The following PRKCB variants were observed in gnomAD, a reference collection of about 807,000 sequenced individuals.
PRKCB encodes protein kinase C beta type.
In PRKCB, 13 loss-of-function variants were observed where a neutral mutation model predicts 81.5. The ratio of observed to expected loss-of-function variants is 0.16; its 90% CI spans 0.10 to 0.25. PRKCB has a LOEUF of 0.25. Among genes scored for constraint, PRKCB ranks in the 10% least tolerant of loss-of-function variants. The pLI is 1.00. For synonymous variants in PRKCB, 335 were observed against 321.4 expected (o/e 1.04, Z -0.45); for missense variants, 509 against 875.7 (o/e 0.58, Z 5.29).
chr16:24,219,594 A>G lies in PRKCB; in HGVS notation c.*4778A>G, dbSNP rs1968288242. 1 of 1,016,542 alleles carries G rather than the reference A, an allele frequency of 9.8e-7. No homozygotes were observed. The highest frequency in any genetic ancestry group is 1.7e-5 in the African/African-American group (1 of 58,212). The allele number at this position is 1,016,542 out of a possible 1,614,324, so 63.0% of individuals were successfully genotyped here. A position where few individuals can be genotyped will look rare whatever the true frequency, so the allele number is the denominator to read the frequency against. On this transcript the variant is annotated 3_prime_UTR_variant, in exon 17 of 17. Coordinates refer to ENST00000643927, the MANE Select transcript of PRKCB (RefSeq NM_002738.7). ...TCTACCTAATGATTATTTCTATAAC[A>G]TTAAGCATGGTAATAAGTAGCTTCC... is the stretch of plus-strand genomic sequence containing the variant.
chr16:24,189,952 C>G (rs1967765102), intron 15 of PRKCB, among the ~76,000 whole-genome samples: 1 of 152,136 alleles, frequency 6.6e-6, no homozygotes, highest in Non-Finnish European at 1.5e-5. Context: ...TAATCACCAA[C>G]TCTTCTGTCT....
chr16:23,886,045 C>CA (rs1429270741), intron 2 of PRKCB, among the ~76,000 whole-genome samples: 4 of 152,176 alleles, frequency 2.6e-5, no homozygotes, highest in Non-Finnish European at 5.9e-5. Context: ...CTCAAACCAA[C>CA]TCTTTGAGAC....
intron 2 of PRKCB, among the ~76,000 whole-genome samples, chr16:23,849,774 T>A (rs1962442199): frequency 6.6e-6 from 1 of 152,252 alleles, no homozygotes; most frequent in Non-Finnish European, 1.5e-5. Flanking sequence ...ATATATACAA[T>A]GTGTCATGGT....
At chr16:24,023,530 G>A (rs887336854) in intron 3 of PRKCB, among the ~76,000 whole-genome samples, 1 of 152,004 alleles carries the variant, frequency 6.6e-6, no homozygotes, top group Admixed American at 6.5e-5. Flanking sequence ...CACCACGCCC[G>A]GCTAATTTTT....
Position 23,836,042 on chromosome 16 carries a change from A to C in PRKCB, c.-134A>C. 1 of 527,746 alleles carries C rather than the reference A, an allele frequency of 1.9e-6. No individual in the cohort carries two copies. Among genetic ancestry groups the C allele is most frequent in the South Asian group, 8.1e-5 (1 of 12,370 alleles). The allele number at this position is 527,746 out of a possible 1,614,324, so 32.7% of individuals were successfully genotyped here. A position where few individuals can be genotyped will look rare whatever the true frequency, so the allele number is the denominator to read the frequency against. On this transcript the variant is annotated 5_prime_UTR_variant, in exon 1 of 17. Coordinates refer to ENST00000643927, the MANE Select transcript of PRKCB (RefSeq NM_002738.7). ...CGGCTCCGCGCGCCGCGGCCGCCAG[A>C]GCCGGCGCAGGGGAAGCGCCCGCGG...
At chr16:23,951,001 C>T (rs1964273408) in intron 2 of PRKCB, among the ~76,000 whole-genome samples, 1 of 152,154 alleles carries the variant, frequency 6.6e-6, no homozygotes, top group African/African-American at 2.4e-5. Flanking sequence ...CACCTGTTAT[C>T]CTGCCGGCAG....
chr16:24,125,148 C>T (rs138883309), intron 9 of PRKCB, among the ~76,000 whole-genome samples: 6 of 74,342 alleles, frequency 8.1e-5, no homozygotes, highest in African/African-American at 3.1e-4. Context: ...ATTGCAATCC[C>T]AATCTTGTTA....
intron 9 of PRKCB, among the ~76,000 whole-genome samples, chr16:24,128,150 G>A (rs554208519): frequency 1.3e-5 from 2 of 152,236 alleles, no homozygotes; most frequent in South Asian, 4.1e-4. Flanking sequence ...GCCAAGGTGG[G>A]CAGATCACAA....
chr16:24,185,612 G>T, intron 15 of PRKCB, 45 bp downstream of exon 15: 1 of 1,507,820 alleles, frequency 6.6e-7, no homozygotes, highest in East Asian at 2.3e-5. Context: ...CCACATAAAG[G>T]CATGTGGGCT....
In PRKCB at chr16:24,215,719, A is replaced by G; in HGVS notation, c.*903A>G. 1.0e-6 allele frequency: 1 copy of G among 985,754 alleles called. No homozygotes were observed. The highest frequency in any genetic ancestry group is 1.2e-6 in the Non-Finnish European group (1 of 829,842). The allele number at this position is 985,754 out of a possible 1,614,324, so 61.1% of individuals were successfully genotyped here. A position where few individuals can be genotyped will look rare whatever the true frequency, so the allele number is the denominator to read the frequency against. The stretch of plus-strand genomic sequence containing the variant: ...TAAAATATGTATTCAAATGTTATTA[A>G]CCACAATGACGACCTGCTTTGATTT... On this transcript the variant is annotated 3_prime_UTR_variant, in exon 17 of 17. Transcript: ENST00000643927.
intron 2 of PRKCB, among the ~76,000 whole-genome samples, chr16:23,943,587 T>A (rs1453064026): frequency 6.6e-6 from 1 of 152,186 alleles, no homozygotes; most frequent in Non-Finnish European, 1.5e-5. Flanking sequence ...TACACATACA[T>A]ATAAATATAA....
intron 5 of PRKCB, among the ~76,000 whole-genome samples, chr16:24,061,893 C>T (rs953054068): frequency 6.3e-5 from 9 of 143,800 alleles, no homozygotes; most frequent in Non-Finnish European, 4.5e-5. Context: ...CCCCACTCCC[C>T]CTGCACCTTA....
At chr16:24,155,745 C>T (rs1967146594) in intron 10 of PRKCB, among the ~76,000 whole-genome samples, 1 of 152,204 alleles carries the variant, frequency 6.6e-6, no homozygotes, top group Non-Finnish European at 1.5e-5. Context: ...TGATTTCCCT[C>T]TCACTTTAAT....
chr16:23,869,277 G>T (rs1962862876), intron 2 of PRKCB: 1 of 326,604 alleles, frequency 3.1e-6, no homozygotes, highest in Admixed American at 3.5e-5. Context: ...TGTTGCCTCA[G>T]CTGCGTCCTG....
chr16:24,129,492 CTCTT>C (rs1309486599), intron 9 of PRKCB, among the ~76,000 whole-genome samples: 1 of 151,778 alleles, frequency 6.6e-6, no homozygotes, highest in Non-Finnish European at 1.5e-5. Context: ...TCTCTCCTCT[CTCTT>C]TCTGTCCCTC....
At chr16:23,935,405 G>A (rs1964044662) in intron 2 of PRKCB, among the ~76,000 whole-genome samples, 1 of 152,092 alleles carries the variant, frequency 6.6e-6, no homozygotes, top group Admixed American at 6.6e-5. Context: ...GACAAAGTAG[G>A]TTCTCTCCTG....
chr16:23,937,215 G>T (rs1044722805), intron 2 of PRKCB, among the ~76,000 whole-genome samples: 1 of 152,118 alleles, frequency 6.6e-6, no homozygotes, highest in African/African-American at 2.4e-5. Flanking sequence ...ACTCTTTGAG[G>T]CAAGGCCCAA....
At chr16:23,974,053 C>CATAT in intron 2 of PRKCB, among the ~76,000 whole-genome samples, 1 of 151,860 alleles carries the variant, frequency 6.6e-6, no homozygotes, top group African/African-American at 2.4e-5. Flanking sequence ...TATGAGGTCT[C>CATAT]ATATATATAT....
chr16:24,217,397 A>G lies in PRKCB; in HGVS notation c.*2581A>G. 1 of 985,456 alleles carries G rather than the reference A, an allele frequency of 1.0e-6. No homozygotes were observed. Among genetic ancestry groups the G allele is most frequent in the Non-Finnish European group, 1.2e-6 (1 of 829,936 alleles). 61.0% of individuals were successfully genotyped at this position (985,456 alleles called of 1,614,324 possible). The stretch of plus-strand genomic sequence containing the variant: ...AGCTTTTTGAAGAGAGGACAGGGCC[A>G]TAGCAACAAGGACCTTCTTGGGGGA... On this transcript the variant is annotated 3_prime_UTR_variant, in exon 17 of 17. Transcript: ENST00000643927.
Sources: allele counts gnomAD v4.1 joint callset (sites outside exome capture counted in the v4.1 genomes callset), GRCh38; gene constraint gnomAD v4.1.1; transcripts MANE v1.5; gene names NCBI Gene and HGNC (gene_info 2026-07-23, HGNC 2026-07-21).